Variants in MEGF11 observed in about 807,000 individuals in gnomAD.
MEGF11 encodes multiple epidermal growth factor-like domains protein 11.
MEGF11 carries 126 observed loss-of-function variants against 146.6 expected under a neutral mutation model. That is an observed-to-expected ratio of 0.86 (90% CI 0.74 to 1.00). The LOEUF is 1.00. MEGF11 is among the 50% of genes least tolerant of loss of function. MEGF11 has a pLI of 0.00. For synonymous variants in MEGF11, 532 were observed against 583.4 expected (o/e 0.91, Z 1.27); for missense variants, 1,509 against 1,521.2 (o/e 0.99, Z 0.13).
At chr15:66,055,241 G>A (rs2084628347) in intron 5 of MEGF11, among the ~76,000 whole-genome samples, 1 of 152,204 alleles carries the variant, frequency 6.6e-6, no homozygotes, top group Non-Finnish European at 1.5e-5. Context: ...GAGATGTAAT[G>A]CATAAATACT....
chr15:65,902,810 CAG>C (rs1158990340), intron 24 of MEGF11, among the ~76,000 whole-genome samples: 4 of 152,178 alleles, frequency 2.6e-5, no homozygotes, highest in Admixed American at 6.5e-5. Context: ...CTGTCAGAGA[CAG>C]AGGGGGCTTC....
Position 65,970,643 on chromosome 15 carries a change from T to A in MEGF11, c.809A>T (p.Asn270Ile), listed in dbSNP as rs1302110932. ...QPCPPGTFGQ[N>I]CSQDCPCHHG... ...GTGGCAAGGACAATCCTGGCTGCAG[T>A]TCTGGCCAAATGTCCCTGGTGGGCA... The change falls in exon 8 of 26, where the codon AAC (asparagine) becomes ATC (isoleucine). Residue 270 changes from asparagine to isoleucine, a missense_variant. Asn to Ile is a moderately radical substitution (Grantham distance 149, BLOSUM62 -3). Transcript: ENST00000395614. 6.2e-7 allele frequency: 1 copy of A among 1,613,522 alleles called. No individual in the cohort carries two copies. The highest frequency in any genetic ancestry group is 1.7e-5 in the Admixed American group (1 of 59,960).
At chr15:65,943,030 A>G (rs1596878828) in intron 10 of MEGF11, among the ~76,000 whole-genome samples, 1 of 109,758 alleles carries the variant, frequency 9.1e-6, no homozygotes. Context: ...TCTTTTGCCC[A>G]GGCTGGAGTA....
At chr15:66,246,002 T>C (rs2092291553) in intron 1 of MEGF11, among the ~76,000 whole-genome samples, 1 of 152,184 alleles carries the variant, frequency 6.6e-6, no homozygotes, top group African/African-American at 2.4e-5. Flanking sequence ...GGCTCACTCC[T>C]GTAATCCCAG....
rs755849616 is a variant in MEGF11, at chr15:65,929,903, C to T, written c.1409-20G>A. On this transcript the variant is annotated intron_variant, in intron 11 of 25. Coordinates refer to ENST00000395614, the MANE Select transcript of MEGF11 (RefSeq NM_001385028.1). ...GCCACCCTGAGGGGAGGGAAAGGGA[C>T]TGTCACTTCTCCATCCAGGCCCAGT... is the stretch of plus-strand genomic sequence containing the variant. 8.2e-6 allele frequency: 13 copies of T among 1,585,776 alleles called. No individual in the cohort carries two copies. The highest frequency in any genetic ancestry group is 1.0e-5 in the Non-Finnish European group (12 of 1,165,104).
intron 9 of MEGF11, among the ~76,000 whole-genome samples, chr15:65,963,246 C>G (rs1210043813): frequency 2.0e-5 from 3 of 152,174 alleles, no homozygotes; most frequent in African/African-American, 7.2e-5. Context: ...AGTCCCCTGA[C>G]CAGCCATATG....
intron 5 of MEGF11, among the ~76,000 whole-genome samples, chr15:65,989,970 G>A (rs557570297): frequency 3.3e-5 from 5 of 152,172 alleles, no homozygotes; most frequent in Admixed American, 6.5e-5. Flanking sequence ...GAGGAAGGAG[G>A]ATCACTGAGA....
chr15:65,897,992 T>A lies in MEGF11; in HGVS notation c.3365A>T (p.Asp1122Val), dbSNP rs1013997782. 2 of 1,613,860 alleles carry A rather than the reference T, an allele frequency of 1.2e-6. No homozygotes were observed. Among genetic ancestry groups the A allele is most frequent in the Non-Finnish European group, 1.7e-6 (2 of 1,179,876 alleles). ...PRNSHIPGHY[D>V]LLPVRQSPAN... ...AGGGCTCTGTCTTACTGGGAGGAGG[T>A]CATAATGACCAGGAATATGGCTGTT... is the stretch of plus-strand genomic sequence containing the variant. Residue 1122 changes from aspartate to valine, a missense_variant, in exon 26 of 26, where the codon GAC becomes GTC. By Grantham distance (152) the Asp-to-Val change is radical. Coordinates refer to ENST00000395614, the MANE Select transcript of MEGF11 (RefSeq NM_001385028.1).
At position 66,179,690 on chromosome 15, in the gene MEGF11, G is replaced by T. The variant is rs899081; in HGVS notation, c.-8-51279C>A. On this transcript the variant is annotated intron_variant, in intron 1 of 25. Transcript: ENST00000395614. ...CAAAATAAGGAGATTGTACTCAACC[G>T]GGTTTCAGGTTCCCAAACCCATGTT... is the stretch of plus-strand genomic sequence containing the variant. Among the ~76,000 whole-genome samples the T allele has an allele frequency of 9.2e-5, 14 of 151,860 alleles. No individual in the cohort carries two copies. In the South Asian group the frequency reaches 1.7e-3, roughly 18 times the overall value.
rs1423237153 is a variant in MEGF11, at chr15:65,909,081, T to G, written c.2951A>C (p.Tyr984Ser). The G allele has an allele frequency of 6.5e-7, 1 of 1,535,862 alleles. No individual in the cohort carries two copies. The highest frequency in any genetic ancestry group is 8.7e-7 in the Non-Finnish European group (1 of 1,146,800). ...GCGGCTGAGGTGTCTAAGTTCAATG[T>G]AGAAGTCCTCGGGCGGGTACCTGGC... ...LEARYPPEDF[Y>S]IELRHLSRPA... Residue 984 changes from tyrosine (Y) to serine (S), a missense_variant, in exon 23 of 26, where the codon TAC (tyrosine) becomes TCC (serine). Coordinates refer to ENST00000395614, the MANE Select transcript of MEGF11 (RefSeq NM_001385028.1).
chr15:65,914,094 C>G (rs190916016), intron 19 of MEGF11, 121 bp from the exon 20 acceptor site: 1 of 751,288 alleles, frequency 1.3e-6, no homozygotes, highest in Non-Finnish European at 2.2e-6. Flanking sequence ...GGCTTTGGCC[C>G]GATTCCTGAG....
chr15:66,034,418 GT>G (rs2083648687), intron 5 of MEGF11, among the ~76,000 whole-genome samples: 2 of 148,144 alleles, frequency 1.4e-5, no homozygotes, highest in Non-Finnish European at 3.0e-5. Flanking sequence ...TTTTGTTTTT[GT>G]TTTTTGGTTT....
At chr15:66,000,395 G>A (rs914603716) in intron 5 of MEGF11, among the ~76,000 whole-genome samples, 2 of 152,144 alleles carry the variant, frequency 1.3e-5, no homozygotes, top group African/African-American at 4.8e-5. Flanking sequence ...AGCTGGACAT[G>A]GTGGTACACA....
chr15:66,219,448 C>G (rs7170071), intron 1 of MEGF11, among the ~76,000 whole-genome samples: 22,353 of 152,068 alleles, frequency 0.15, 2,372 homozygotes, highest in East Asian at 0.5. Context: ...CAAATAAGCA[C>G]ATGAAAAAAA....
In MEGF11 at chr15:65,957,601, A is replaced by G; in HGVS notation, c.1233T>C (p.Asn411=). 3 of 1,613,980 alleles carry G rather than the reference A, an allele frequency of 1.9e-6. No individual in the cohort carries two copies. In the East Asian group the frequency reaches 6.7e-5, roughly 36 times the overall value. ...DGCQLPCTCQ[N]GADCHSITGG... is the part of the protein sequence containing the mutation. ...CAGTGATGCTGTGGCAGTCGGCGCC[A>G]TTCTGACAGGTGCAAGGCAGCTGGC... Residue 411 remains asparagine, a synonymous_variant, in exon 10 of 26, where the codon AAT becomes AAC. Transcript: ENST00000395614.
chr15:66,169,905 C>T (rs2090201164), intron 1 of MEGF11, among the ~76,000 whole-genome samples: 1 of 152,170 alleles, frequency 6.6e-6, no homozygotes, highest in Admixed American at 6.5e-5. Context: ...TCCCTTCACC[C>T]TGCCATCCCA....
chr15:65,974,065 T>A (rs759313480), intron 7 of MEGF11, among the ~76,000 whole-genome samples: 9 of 152,248 alleles, frequency 5.9e-5, no homozygotes, highest in Admixed American at 2.0e-4. Context: ...ATCAAGGATG[T>A]TCCTCCAATT....
chr15:66,114,381 A>G (rs1200894733), intron 4 of MEGF11, among the ~76,000 whole-genome samples: 1 of 152,224 alleles, frequency 6.6e-6, no homozygotes, highest in Non-Finnish European at 1.5e-5. Flanking sequence ...GCGGACACCT[A>G]ATATGAAGAA....
intron 4 of MEGF11, among the ~76,000 whole-genome samples, chr15:66,100,265 T>C (rs1259299332): frequency 6.6e-6 from 1 of 152,200 alleles, no homozygotes; most frequent in Non-Finnish European, 1.5e-5. Flanking sequence ...GGCCTTGCCC[T>C]GCCTCCTGGT....
Sources: allele counts gnomAD v4.1 joint callset (sites outside exome capture counted in the v4.1 genomes callset), GRCh38; gene constraint gnomAD v4.1.1; transcripts MANE v1.5; gene names NCBI Gene and HGNC (gene_info 2026-07-23, HGNC 2026-07-21).